PRIM2: variants seen among roughly 807,000 people sequenced by gnomAD.
PRIM2 encodes DNA primase large subunit.
A neutral mutation model predicts 67.3 loss-of-function variants in PRIM2; 39 were observed. The observed-to-expected ratio is 0.58, with a 90% CI of 0.45 to 0.76. PRIM2 has a LOEUF of 0.76. PRIM2 is among the 30% of genes least tolerant of loss of function. PRIM2 has a pLI of 0.00. For missense variants in PRIM2, 398 were observed against 598.7 expected, an observed-to-expected ratio of 0.66 and a Z score of 3.50; for synonymous variants, 143 against 198.7, an observed-to-expected ratio of 0.72 and a Z score of 2.36.
chr6:57,462,943 C>T (rs4990711), intron 7 of PRIM2, among the ~76,000 whole-genome samples: 10 of 152,324 alleles, frequency 6.6e-5, no homozygotes, highest in East Asian at 1.9e-4. Context: ...TCCCCTGCTA[C>T]GTGCTACTCT....
intron 5 of PRIM2, among the ~76,000 whole-genome samples, chr6:57,335,821 C>A (rs909095836): frequency 1.2e-4 from 18 of 152,194 alleles, no homozygotes; most frequent in South Asian, 1.0e-3. Flanking sequence ...TCCAAAGGAA[C>A]GCAGTTCCTC....
In PRIM2 at chr6:57,397,860, G is replaced by A. The variant is rs926694989; in HGVS notation, c.693+15692G>A. ...TGTTTAGGCTTCTCTAATTCTTTCA[G>A]TTGTGATATTAAGTTGCTAATTTGA... On this transcript the variant is annotated intron_variant, in intron 7 of 13. Transcript: ENST00000615550. Among the ~76,000 whole-genome samples, 4 of 144,812 alleles carry A rather than the reference G, an allele frequency of 2.8e-5. No individual in the cohort carries two copies. The South Asian group carries it at 8.7e-4, about 31-fold the overall frequency.
the PRIM2 span, among the ~76,000 whole-genome samples, chr6:57,271,968 T>A: frequency 1.3e-5 from 2 of 152,226 alleles, no homozygotes; most frequent in Non-Finnish European, 2.9e-5. Context: ...TGAGTTCTAG[T>A]TTGATTGCAC....
chr6:57,527,464 C>G (rs1774781872), intron 8 of PRIM2, among the ~76,000 whole-genome samples: 3 of 152,206 alleles, frequency 2.0e-5, no homozygotes, highest in Admixed American at 6.5e-5. Flanking sequence ...CTTCCTTTCT[C>G]CATCGTTACC....
chr6:57,226,989 T>C, the PRIM2 span, among the ~76,000 whole-genome samples: 1 of 152,196 alleles, frequency 6.6e-6, no homozygotes, highest in Non-Finnish European at 1.5e-5. Context: ...TGATTGTTCT[T>C]GTATTATGGT....
At chr6:57,637,600 A>G (rs1777143993) in intron 13 of PRIM2, among the ~76,000 whole-genome samples, 2 of 152,244 alleles carry the variant, frequency 1.3e-5, no homozygotes, top group South Asian at 2.1e-4. Flanking sequence ...AGAGAACTTC[A>G]TGAAGCATAC....
chr6:57,569,361 C>T (rs1452507253), intron 10 of PRIM2, among the ~76,000 whole-genome samples: 2 of 152,078 alleles, frequency 1.3e-5, no homozygotes, highest in Non-Finnish European at 2.9e-5. Flanking sequence ...TAAATGAGCC[C>T]TTTTGATAGT....
At chr6:57,266,958 C>T in the PRIM2 span, among the ~76,000 whole-genome samples, 2 of 152,146 alleles carry the variant, frequency 1.3e-5, no homozygotes, top group Non-Finnish European at 2.9e-5. Flanking sequence ...ATAGTGAATG[C>T]TCAATGAATT....
At chr6:57,331,574 A>G (rs2098172) in intron 5 of PRIM2, among the ~76,000 whole-genome samples, 62,622 of 151,830 alleles carry the variant, frequency 0.41, 13,673 homozygotes, top group South Asian at 0.56. Flanking sequence ...CATTCTCTTT[A>G]CTTATTATGA....
At chr6:57,638,576 C>CAAAAAA (rs1227220865) in intron 13 of PRIM2, among the ~76,000 whole-genome samples, 41 of 32,026 alleles carry the variant, frequency 1.3e-3, no homozygotes, top group African/African-American at 3.4e-3. Flanking sequence ...AAACAGAAAG[C>CAAAAAA]AAAAAAAAAA....
At chr6:57,586,943 C>A (rs1776199089) in intron 10 of PRIM2, 1 of 152,164 alleles carries the variant, frequency 6.6e-6, no homozygotes, top group Non-Finnish European at 1.5e-5. Flanking sequence ...AATTAGGTAT[C>A]CACATCCTAC....
intron 10 of PRIM2, among the ~76,000 whole-genome samples, chr6:57,555,955 G>A (rs1488950209): frequency 1.3e-5 from 2 of 152,284 alleles, no homozygotes; most frequent in East Asian, 1.9e-4. Context: ...GACAAGAAGA[G>A]CTTTTATTTT....
At chr6:57,493,108 C>G (rs1265019708) in intron 7 of PRIM2, among the ~76,000 whole-genome samples, 2 of 152,164 alleles carry the variant, frequency 1.3e-5, no homozygotes, top group Non-Finnish European at 1.5e-5. Context: ...GCAGTTCAGA[C>G]TTAACATGGA....
At chr6:57,303,938 T>C in the PRIM2 span, among the ~76,000 whole-genome samples, 1 of 152,164 alleles carries the variant, frequency 6.6e-6, no homozygotes, top group African/African-American at 2.4e-5. Flanking sequence ...CCCCGCCCAC[T>C]TCTGTCTTTA....
At chr6:57,635,072 C>T (rs1316116573) in intron 13 of PRIM2, among the ~76,000 whole-genome samples, 1 of 152,172 alleles carries the variant, frequency 6.6e-6, no homozygotes, top group Non-Finnish European at 1.5e-5. Context: ...TTCCCAAGGC[C>T]TCTGTGATCA....
intron 8 of PRIM2, among the ~76,000 whole-genome samples, chr6:57,516,285 G>A (rs1424723387): frequency 1.3e-5 from 2 of 152,194 alleles, no homozygotes; most frequent in Non-Finnish European, 2.9e-5. Flanking sequence ...AGGAATTAGA[G>A]CATATGTGGA....
chr6:57,399,456 T>A (rs893903706), intron 7 of PRIM2, among the ~76,000 whole-genome samples: 2 of 152,170 alleles, frequency 1.3e-5, no homozygotes, highest in African/African-American at 4.8e-5. Context: ...GACATTTGGG[T>A]TGGTTCCAAG....
the PRIM2 span, among the ~76,000 whole-genome samples, chr6:57,293,436 C>G: frequency 6.6e-6 from 1 of 152,288 alleles, no homozygotes; most frequent in African/African-American, 2.4e-5. Flanking sequence ...GGCAATTCCT[C>G]AAGGATCTAG....
the PRIM2 span, among the ~76,000 whole-genome samples, chr6:57,274,103 G>A: frequency 0.13 from 19,814 of 152,196 alleles, 1,389 homozygotes; most frequent in East Asian, 0.21. Flanking sequence ...CAGTCTGCCC[G>A]TTCTCAGATC....
Sources: allele counts gnomAD v4.1 joint callset (sites outside exome capture counted in the v4.1 genomes callset), GRCh38; gene constraint gnomAD v4.1.1; transcripts MANE v1.5; gene names NCBI Gene and HGNC (gene_info 2026-07-23, HGNC 2026-07-21).